PUSL1: variants seen among roughly 807,000 people sequenced by gnomAD.
PUSL1 encodes the protein tRNA pseudouridine synthase-like 1.
Under a neutral mutation model 30.7 loss-of-function variants are expected in PUSL1, and 51 were observed. That is an observed-to-expected ratio of 1.66 (90% CI 1.33 to 2.10). The LOEUF is 2.10. Ranked by LOEUF, PUSL1 falls within the 30% of genes most tolerant of loss-of-function variation. PUSL1 has a pLI of 0.00. For missense variants in PUSL1, 609 were observed against 427.6 expected, an observed-to-expected ratio of 1.42 and a Z score of -3.74; for synonymous variants, 290 against 192.1, an observed-to-expected ratio of 1.51 and a Z score of -4.21.
chr1:1,309,915 C>A (rs1413259210), intron 5 of PUSL1, 64 bp downstream of exon 5: 2 of 1,305,422 alleles, frequency 1.5e-6, no homozygotes, highest in Non-Finnish European at 2.1e-6. Context: ...AGCTCCAGCA[C>A]CTCCCCCAGT....
At chr1:1,309,352 C>A in intron 3 of PUSL1, 79 bp downstream of exon 3, 1 of 1,465,404 alleles carries the variant, frequency 6.8e-7, no homozygotes, top group South Asian at 1.3e-5. Flanking sequence ...GAGATCTGGA[C>A]AGACTTCCTT....
chr1:1,309,839 C>A lies in PUSL1; in HGVS notation c.632C>A (p.Pro211His), dbSNP rs747517367. ...SPGQASPLVT[P>H]EESRKLRFWN... The stretch of plus-strand genomic sequence containing the variant: ...GGCCAAGCCAGCCCCTTGGTCACCC[C>A]CGAGGAGAGCAGGTGAGGAAGGGCC... The change falls in exon 5 of 8, where the codon CCC (proline) becomes CAC (histidine). Residue 211 changes from proline (P) to histidine (H), a missense_variant. Physicochemically the swap from Pro to His is moderately conservative, Grantham distance 77. Coordinates refer to ENST00000379031, the MANE Select transcript of PUSL1 (RefSeq NM_153339.3). 3 of 1,524,296 alleles carry A rather than the reference C, an allele frequency of 2.0e-6. No individual in the cohort carries two copies. Among genetic ancestry groups the A allele is most frequent in the African/African-American group, 2.8e-5 (2 of 72,324 alleles). The allele number at this position is 1,524,296 out of a possible 1,614,324, so 94.4% of individuals were successfully genotyped here. A position where few individuals can be genotyped will look rare whatever the true frequency, so the allele number is the denominator to read the frequency against.
intron 7 of PUSL1, 49 bp downstream of exon 7, chr1:1,311,120 T>C (rs779017684): frequency 1.3e-6 from 2 of 1,556,562 alleles, no homozygotes; most frequent in Non-Finnish European, 1.7e-6. Context: ...CAGTGACTAC[T>C]GTGGCCGAGG....
chr1:1,310,866 G>A (rs978435360), intron 6 of PUSL1, 43 bp from the exon 7 acceptor site: 27 of 1,605,644 alleles, frequency 1.7e-5, no homozygotes, highest in Non-Finnish European at 2.2e-5. Context: ...CTGTGCTGGT[G>A]GGTCACGGGC....
At position 1,309,679 on chromosome 1, in the gene PUSL1, A is replaced by C. The variant is rs367737340; in HGVS notation, c.474-2A>C. 9 of 1,595,686 alleles carry C rather than the reference A, an allele frequency of 5.6e-6. No homozygotes were observed. The African/African-American group carries it at 1.2e-4, about 21-fold the overall frequency. ...TCCTGACGGTCACCCTGGTCCCTGA[A>C]GCTGCCTGGATATGGTCGCCATGCA... is the stretch of plus-strand genomic sequence containing the variant. On this transcript the variant is annotated splice_acceptor_variant, in intron 4 of 7. Coordinates refer to ENST00000379031, the MANE Select transcript of PUSL1 (RefSeq NM_153339.3). LOFTEE classifies it high-confidence loss of function.
Position 1,308,674 on chromosome 1 carries a change from C to T in PUSL1, c.31C>T (p.Arg11Cys), listed in dbSNP as rs1038909731. The T allele has an allele frequency of 6.5e-7, 1 of 1,543,216 alleles. No homozygotes were observed. The highest frequency in any genetic ancestry group is 1.9e-5 in the Admixed American group (1 of 51,424). MSSAPASGSV[R>C]ARYLVYFQYV... ...TTCGGCGCCGGCCTCAGGCTCCGTG[C>T]GCGCGCGCTATCTTGTGTACTTCCA... The change falls in exon 1 of 8, where the codon CGC becomes TGC. Residue 11 changes from arginine to cysteine, a missense_variant. By Grantham distance (180) the Arg-to-Cys change is radical. Coordinates refer to ENST00000379031, the MANE Select transcript of PUSL1 (RefSeq NM_153339.3).
intron 3 of PUSL1, 82 bp from the exon 4 acceptor site, chr1:1,309,372 G>C (rs1038365420): frequency 1.2e-5 from 18 of 1,487,426 alleles, no homozygotes; most frequent in Non-Finnish European, 1.5e-5. Context: ...TGTCTGGTCG[G>C]AGCTCGAGGG....
rs1266911161 is a variant in PUSL1, at chr1:1,311,471, C to T, written c.*92C>T. On this transcript the variant is annotated 3_prime_UTR_variant, in exon 8 of 8. Transcript: ENST00000379031. ...TCACAGCTGCTTGGGGCCCACAGCA[C>T]TGCTGCCTGGTCTCCACAGTAGCCT... 3.0e-6 allele frequency: 4 copies of T among 1,316,068 alleles called. No homozygotes were observed. The East Asian group carries it at 9.9e-5, about 33-fold the overall frequency. 81.5% of individuals were successfully genotyped at this position (1,316,068 alleles called of 1,614,324 possible).
rs529790938 is a variant in PUSL1, at chr1:1,309,012, G to A, written c.135+40G>A. ...TCACGGGACGCCCGGTGAGGGGTAA[G>A]GGGGAGGCTCCCGCCCGCGCGTCCC... On this transcript the variant is annotated intron_variant, in intron 2 of 7. Coordinates refer to ENST00000379031, the MANE Select transcript of PUSL1 (RefSeq NM_153339.3). The A allele has an allele frequency of 2.6e-4, 364 of 1,393,200 alleles. No individual in the cohort carries two copies. The African/African-American group carries it at 3.4e-3, about 13-fold the overall frequency. 86.3% of individuals were successfully genotyped at this position (1,393,200 alleles called of 1,614,324 possible). A position where few individuals can be genotyped will look rare whatever the true frequency, so the allele number is the denominator to read the frequency against.
At chr1:1,311,261 G>C in intron 7 of PUSL1, 69 bp from the exon 8 acceptor site, 1 of 1,453,838 alleles carries the variant, frequency 6.9e-7, no homozygotes, top group Non-Finnish European at 9.2e-7. Context: ...CATGGGAGTG[G>C]TCTCAGCGGT....
Position 1,309,342 on chromosome 1 carries a change from G to A in PUSL1, c.323+69G>A. 5 of 1,452,178 alleles carry A rather than the reference G, an allele frequency of 3.4e-6. No homozygotes were observed. The South Asian group carries it at 4.1e-5, about 12-fold the overall frequency. The allele number at this position is 1,452,178 out of a possible 1,614,324, so 90.0% of individuals were successfully genotyped here. On this transcript the variant is annotated intron_variant, in intron 3 of 7. Transcript: ENST00000379031. The stretch of plus-strand genomic sequence containing the variant: ...CTCCATCTGTCGCGGGCGGAGGCTG[G>A]AGATCTGGACAGACTTCCTTGTCTG...
chr1:1,308,919 GT>G lies in PUSL1; in HGVS notation c.83del (p.Val28AlafsTer24). On this transcript the variant is annotated frameshift_variant, in exon 2 of 8. Transcript: ENST00000379031. LOFTEE classifies it high-confidence loss of function. ...FQYVGTDFNG[V>X]AAVRGTQRAV... ...TCCGCCCGCTTCTGCCCGCAGCGGG[GT>G]CGCGGCCGTCAGGGGCACTCAGCGC... 1 of 1,418,376 alleles carries G rather than the reference GT, an allele frequency of 7.1e-7. No individual in the cohort carries two copies. Among genetic ancestry groups the G allele is most frequent in the South Asian group, 1.6e-5 (1 of 63,790 alleles). 87.9% of individuals were successfully genotyped at this position (1,418,376 alleles called of 1,614,324 possible).
rs376409060 is a variant in PUSL1, at chr1:1,309,584, T to A, written c.454T>A (p.Cys152Ser). Reference sequence around the variant, plus strand: ...GCTGCCGGTGTTTGAACGCAACCTATGCTGGACTCTCCCGGCAGAGTGAGT... The same window carrying A: ...GCTGCCGGTGTTTGAACGCAACCTAAGCTGGACTCTCCCGGCAGAGTGAGT... ...DELPVFERNL[C>S]WTLPADCLDM... Residue 152 changes from cysteine to serine, a missense_variant, in exon 4 of 8, where the codon TGC (cysteine) becomes AGC (serine). By Grantham distance (112) the Cys-to-Ser change is moderately radical. Coordinates refer to ENST00000379031, the MANE Select transcript of PUSL1 (RefSeq NM_153339.3). 1.2e-6 allele frequency: 2 copies of A among 1,611,558 alleles called. No individual in the cohort carries two copies. Among genetic ancestry groups the A allele is most frequent in the Admixed American group, 1.7e-5 (1 of 59,954 alleles).
chr1:1,309,717 G>A lies in PUSL1; in HGVS notation c.510G>A (p.Gln170=), dbSNP rs1400223467. Residue 170 remains glutamine, a synonymous_variant, in exon 5 of 8, where the codon CAG becomes CAA. Coordinates refer to ENST00000379031, the MANE Select transcript of PUSL1 (RefSeq NM_153339.3). ...TGGTCGCCATGCAGGAAGCCGCCCA[G>A]CACCTCCTCGGCACACACGACTTCA... ...LDMVAMQEAA[Q]HLLGTHDFSA... The A allele has an allele frequency of 1.3e-6, 2 of 1,597,622 alleles. No individual in the cohort carries two copies. Among genetic ancestry groups the A allele is most frequent in the South Asian group, 1.1e-5 (1 of 89,864 alleles).
In PUSL1 at chr1:1,308,633, T is replaced by G. The variant is rs752179979; in HGVS notation, c.-11T>G. The G allele has an allele frequency of 6.8e-5, 96 of 1,410,938 alleles. No individual in the cohort carries two copies. In the East Asian group the frequency reaches 4.1e-3, roughly 61 times the overall value. 87.4% of individuals were successfully genotyped at this position (1,410,938 alleles called of 1,614,324 possible). ...GGAGGCCGCCTCTGACGCCACCGGC[T>G]GGGCTCCGCCATGAGTTCGGCGCCG... is the stretch of plus-strand genomic sequence containing the variant. On this transcript the variant is annotated 5_prime_UTR_variant, in exon 1 of 8. Transcript: ENST00000379031.
At position 1,311,073 on chromosome 1, in the gene PUSL1, T is replaced by G; in HGVS notation, c.862+2T>G. 2 of 1,594,870 alleles carry G rather than the reference T, an allele frequency of 1.3e-6. No individual in the cohort carries two copies. Among genetic ancestry groups the G allele is most frequent in the Non-Finnish European group, 1.7e-6 (2 of 1,166,608 alleles). ...AGTCAGTGCTGTACGGGAACCTCGG[T>G]AAGAAAAACAGGCACGAGAAGCTCC... On this transcript the variant is annotated splice_donor_variant, in intron 7 of 7. Transcript: ENST00000379031. LOFTEE classifies it high-confidence loss of function.
chr1:1,311,616 T>C lies in PUSL1; in HGVS notation c.*237T>C. On this transcript the variant is annotated 3_prime_UTR_variant, in exon 8 of 8. Transcript: ENST00000379031. ...ACCAAGTAGTCTTTTGTTCAGCTTT[T>C]ACTGGAAACTGCTGTCTAGGACCAC... 2 of 713,882 alleles carry C rather than the reference T, an allele frequency of 2.8e-6. No individual in the cohort carries two copies. The highest frequency in any genetic ancestry group is 2.5e-6 in the Non-Finnish European group (1 of 396,310). 44.2% of individuals were successfully genotyped at this position (713,882 alleles called of 1,614,324 possible). A position where few individuals can be genotyped will look rare whatever the true frequency, so the allele number is the denominator to read the frequency against.
At position 1,309,455 on chromosome 1, in the gene PUSL1, G is replaced by T; in HGVS notation, c.325G>T (p.Val109Phe). The T allele has an allele frequency of 1.3e-6, 2 of 1,599,566 alleles. No individual in the cohort carries two copies. Among genetic ancestry groups the T allele is most frequent in the Non-Finnish European group, 1.7e-6 (2 of 1,173,898 alleles). ...GGTGAGCTTTACCTGCCGCCATAGGGTCCTGCGGGCCTTCCGAGTGCCCAG... is the reference window on the plus strand; with the variant it reads ...GGTGAGCTTTACCTGCCGCCATAGGTTCCTGCGGGCCTTCCGAGTGCCCAG... Reference protein sequence around the residue: ...NTHLRHPAIRVLRAFRVPSDF... With the variant: ...NTHLRHPAIRFLRAFRVPSDF... The change falls in exon 4 of 8, where the codon GTC (valine) becomes TTC (phenylalanine). Residue 109 changes from valine to phenylalanine, a missense_variant and splice_region_variant. Coordinates refer to ENST00000379031, the MANE Select transcript of PUSL1 (RefSeq NM_153339.3).
chr1:1,311,628 C>G lies in PUSL1; in HGVS notation c.*249C>G, dbSNP rs1296313823. Reference sequence around the variant, plus strand: ...TTTGTTCAGCTTTTACTGGAAACTGCTGTCTAGGACCACCTGCCCTAACCA... The same window carrying G: ...TTTGTTCAGCTTTTACTGGAAACTGGTGTCTAGGACCACCTGCCCTAACCA... On this transcript the variant is annotated 3_prime_UTR_variant, in exon 8 of 8. Coordinates refer to ENST00000379031, the MANE Select transcript of PUSL1 (RefSeq NM_153339.3). 4 of 708,020 alleles carry G rather than the reference C, an allele frequency of 5.6e-6. No individual in the cohort carries two copies. The highest frequency in any genetic ancestry group is 2.0e-5 in the Admixed American group (1 of 49,736). 43.9% of individuals were successfully genotyped at this position (708,020 alleles called of 1,614,324 possible).
Sources: allele counts gnomAD v4.1 joint callset, GRCh38; gene constraint gnomAD v4.1.1; transcripts MANE v1.5; gene names NCBI Gene and HGNC (gene_info 2026-07-23, HGNC 2026-07-21).